The following RHOT1 variants were observed in gnomAD, a reference collection of about 807,000 sequenced individuals.
RHOT1 encodes ras homolog family member T1, also known as mitochondrial Rho GTPase 1.
A neutral mutation model predicts 95.3 loss-of-function variants in RHOT1; 27 were observed. The ratio of observed to expected loss-of-function variants is 0.28; its 90% CI spans 0.21 to 0.39. The LOEUF (loss-of-function observed/expected upper bound fraction) is 0.39, where lower values mean the gene tolerates loss of function less well. Ranked by LOEUF, RHOT1 falls within the 10% of genes least tolerant of loss-of-function variation. The probability of loss-of-function intolerance (pLI) is 1.00; values close to 1 mark genes in which losing one functional copy is unlikely to be tolerated. For missense variants in RHOT1, 578 were observed against 786.7 expected, an observed-to-expected ratio of 0.73 and a Z score of 3.17; for synonymous variants, 227 against 263.5, an observed-to-expected ratio of 0.86 and a Z score of 1.34.
At position 32,175,935 on chromosome 17, in the gene RHOT1, C is replaced by T. The variant is rs113487761; in HGVS notation, c.223-27C>T. On this transcript the variant is annotated intron_variant, in intron 4 of 19. Transcript: ENST00000545287. The stretch of plus-strand genomic sequence containing the variant: ...TCTATGTTTTTATTATTTTTAGATA[C>T]GATTAATTTGTTAATTTTTCTTCTA... The T allele has an allele frequency of 1.2e-3, 1,714 of 1,448,936 alleles. 18 individuals carry two copies. In the African/African-American group the frequency reaches 0.022, roughly 18 times the overall value. 89.8% of individuals were successfully genotyped at this position (1,448,936 alleles called of 1,614,324 possible).
At chr17:32,176,711 T>C (rs548773555) in intron 6 of RHOT1, among the ~76,000 whole-genome samples, 1 of 152,150 alleles carries the variant, frequency 6.6e-6, no homozygotes, top group South Asian at 2.1e-4. Flanking sequence ...TAACTGGGAC[T>C]GCAGGCATGT....
chr17:32,204,003 C>T (rs746160424), intron 16 of RHOT1, 30 bp downstream of exon 16: 3 of 1,444,952 alleles, frequency 2.1e-6, no homozygotes, highest in East Asian at 4.6e-5. Context: ...ACAAAAATTA[C>T]TAATTATTGG....
intron 8 of RHOT1, among the ~76,000 whole-genome samples, chr17:32,191,728 A>G (rs1160807301): frequency 6.6e-6 from 1 of 152,210 alleles, no homozygotes; most frequent in Non-Finnish European, 1.5e-5. Flanking sequence ...TTGTTTGTGA[A>G]TAAGCGTATT....
intron 1 of RHOT1, among the ~76,000 whole-genome samples, chr17:32,148,109 C>A (rs2142351923): frequency 6.6e-6 from 1 of 152,060 alleles, no homozygotes; most frequent in African/African-American, 2.4e-5. Context: ...ACTAAAAATA[C>A]AAAAAATTAG....
rs142746391 is a variant in RHOT1, at chr17:32,147,456, C to T, written c.37+4727C>T. On this transcript the variant is annotated intron_variant, in intron 1 of 19. Coordinates refer to ENST00000545287, the MANE Select transcript of RHOT1 (RefSeq NM_001033566.3). ...GCCTGGGCAACATAGTGAGACCCTGCCTCTACTTTTTTTTAACTATTAAAA... is the reference window on the plus strand; with the variant it reads ...GCCTGGGCAACATAGTGAGACCCTGTCTCTACTTTTTTTTAACTATTAAAA... Among the ~76,000 whole-genome samples, 160 of 151,792 alleles carry T rather than the reference C, an allele frequency of 1.1e-3. 2 individuals are homozygous for T. Among genetic ancestry groups the T allele is most frequent in the African/African-American group, 3.8e-3 (155 of 41,212 alleles).
intron 1 of RHOT1, 68 bp downstream of exon 1, chr17:32,142,797 C>G: frequency 1.5e-6 from 2 of 1,340,106 alleles, no homozygotes; most frequent in Non-Finnish European, 2.0e-6. Flanking sequence ...CCTGTCGCCC[C>G]TGTCGCCCCT....
intron 8 of RHOT1, among the ~76,000 whole-genome samples, chr17:32,183,699 G>A (rs934144993): frequency 6.6e-6 from 1 of 152,026 alleles, no homozygotes; most frequent in African/African-American, 2.4e-5. Context: ...TTTCTTTTGA[G>A]ACAGAATCTT....
intron 18 of RHOT1, among the ~76,000 whole-genome samples, chr17:32,210,400 A>G (rs534676809): frequency 6.6e-6 from 1 of 152,278 alleles, no homozygotes; most frequent in East Asian, 1.9e-4. Flanking sequence ...GCCTCCCTAA[A>G]TTTCATATCT....
At chr17:32,176,574 ATTTATTTATTTATTTT>A (rs2035024600) in intron 6 of RHOT1, among the ~76,000 whole-genome samples, 1 of 150,346 alleles carries the variant, frequency 6.7e-6, no homozygotes, top group African/African-American at 2.5e-5. Context: ...TTATTTATTT[ATTTATTTATTTATTTT>A]GAGACAGAGT....
At chr17:32,211,467 G>GT (rs1412193323) in intron 19 of RHOT1, 12 of 323,102 alleles carry the variant, frequency 3.7e-5, no homozygotes, top group Non-Finnish European at 6.1e-5. Context: ...GATTTTGGAT[G>GT]TTTTTTTCAT....
intron 8 of RHOT1, among the ~76,000 whole-genome samples, chr17:32,190,561 A>G (rs919993884): frequency 1.6e-4 from 25 of 152,298 alleles, no homozygotes; most frequent in African/African-American, 6.0e-4. Flanking sequence ...ATAAAAGATT[A>G]GGTTCTGTTT....
intron 1 of RHOT1, chr17:32,159,702 T>C (rs1379418441): frequency 2.6e-5 from 4 of 152,762 alleles, no homozygotes; most frequent in African/African-American, 9.6e-5. Context: ...CCTGCCACTT[T>C]GGCCTCCTCT....
intron 1 of RHOT1, among the ~76,000 whole-genome samples, chr17:32,150,067 A>T (rs1028269953): frequency 2.3e-4 from 35 of 152,218 alleles, no homozygotes; most frequent in African/African-American, 7.7e-4. Flanking sequence ...TTAATTTTTT[A>T]AAAATAGCTT....
intron 17 of RHOT1, 41 bp from the exon 18 acceptor site, chr17:32,208,066 G>T (rs754200015): frequency 1.3e-6 from 2 of 1,542,916 alleles, no homozygotes; most frequent in Admixed American, 1.7e-5. Flanking sequence ...AGTAATTTTT[G>T]AACTTGTTAT....
intron 18 of RHOT1, chr17:32,209,206 A>G (rs1401523086): frequency 7.1e-6 from 3 of 422,510 alleles, no homozygotes; most frequent in Non-Finnish European, 1.3e-5. Flanking sequence ...CTGCTATTTT[A>G]TTACCTAATA....
Position 32,208,103 on chromosome 17 carries a change from A to G in RHOT1, c.1537-4A>G. On this transcript the variant is annotated splice_region_variant and splice_polypyrimidine_tract_variant and intron_variant, in intron 17 of 19. Transcript: ENST00000545287. ...AGATTTTGATTTCATTTTTTATTCCATAGCAACACTTTATGGACAGCAGAA... is the reference window on the plus strand; with the variant it reads ...AGATTTTGATTTCATTTTTTATTCCGTAGCAACACTTTATGGACAGCAGAA... The G allele has an allele frequency of 1.2e-6, 2 of 1,612,138 alleles. No individual in the cohort carries two copies. The highest frequency in any genetic ancestry group is 1.7e-6 in the Non-Finnish European group (2 of 1,178,456).
chr17:32,146,612 ATT>A (rs778057684), intron 1 of RHOT1, among the ~76,000 whole-genome samples: 10 of 127,416 alleles, frequency 7.8e-5, no homozygotes, highest in African/African-American at 5.9e-5. Context: ...CGCCCGGCTA[ATT>A]TTTTTTTTTT....
rs796072845 is a variant in RHOT1, at chr17:32,172,887, A to G, written c.97-944A>G. On this transcript the variant is annotated intron_variant, in intron 2 of 19. Coordinates refer to ENST00000545287, the MANE Select transcript of RHOT1 (RefSeq NM_001033566.3). ...AACATAAGGCTTATGTAGCCAGTCAATTATTTTCTAGAGGAAATGAATGTT... is the reference window on the plus strand; with the variant it reads ...AACATAAGGCTTATGTAGCCAGTCAGTTATTTTCTAGAGGAAATGAATGTT... 9 of 152,356 alleles carry G rather than the reference A, an allele frequency of 5.9e-5. 1 individual carries two copies. The highest frequency in any genetic ancestry group is 1.4e-4 in the African/African-American group (6 of 41,586). The allele number at this position is 152,356 out of a possible 1,614,324, so 9.4% of individuals were successfully genotyped here.
intron 18 of RHOT1, chr17:32,209,734 A>G (rs1484010243): frequency 9.2e-6 from 2 of 217,850 alleles, no homozygotes; most frequent in Non-Finnish European, 1.8e-5. Context: ...ATGTACATAC[A>G]TGGACCACTT....
Sources: gnomAD v4.1 joint callset for allele counts (sites outside exome capture counted in the v4.1 genomes callset) on GRCh38, gnomAD v4.1.1 for gene constraint, MANE v1.5 for transcripts, NCBI Gene and HGNC (gene_info 2026-07-23, HGNC 2026-07-21) for gene names.